Variants in STARD10 observed in about 807,000 individuals in gnomAD.
STARD10 encodes the protein START domain-containing protein 10.
A neutral mutation model predicts 36.0 loss-of-function variants in STARD10; 24 were observed. That is an observed-to-expected ratio of 0.67 (90% CI 0.48 to 0.94). The LOEUF is 0.94. STARD10 is among the 40% of genes least tolerant of loss of function. The probability of loss-of-function intolerance (pLI) is 0.00; values close to 1 mark genes in which losing one functional copy is unlikely to be tolerated. For synonymous variants in STARD10, 156 were observed against 161.9 expected, an observed-to-expected ratio of 0.96 and a Z score of 0.28; for missense variants, 335 against 396.6, an observed-to-expected ratio of 0.84 and a Z score of 1.32.
intron 2 of STARD10, among the ~76,000 whole-genome samples, chr11:72,769,340 G>C (rs1162982637): frequency 6.6e-6 from 1 of 152,192 alleles, no homozygotes; most frequent in African/African-American, 2.4e-5. Context: ...TACACAGTTA[G>C]TGGCAGCAAA....
intron 1 of STARD10, among the ~76,000 whole-genome samples, chr11:72,787,853 C>A (rs1859093917): frequency 6.6e-6 from 1 of 152,222 alleles, no homozygotes; most frequent in South Asian, 2.1e-4. Context: ...TTCTGGCAAC[C>A]CACACAACTT....
At position 72,771,542 on chromosome 11, in the gene STARD10, T is replaced by C. The variant is rs137860102; in HGVS notation, c.207+9433A>G. Among the ~76,000 whole-genome samples, 683 of 151,754 alleles carry C rather than the reference T, an allele frequency of 4.5e-3. 5 individuals are homozygous for C. Among genetic ancestry groups the C allele is most frequent in the African/African-American group, 0.015 (616 of 41,360 alleles). ...GAACCCCTGAGACTGTAGTGGAGAG[T>C]AGAGATGTTACCATGTCTCACCCAG... is the stretch of plus-strand genomic sequence containing the variant. On this transcript the variant is annotated intron_variant, in intron 2 of 6. Coordinates refer to ENST00000334805, the MANE Select transcript of STARD10 (RefSeq NM_006645.3).
chr11:72,776,495 A>G (rs1280461486), intron 2 of STARD10, among the ~76,000 whole-genome samples: 1 of 152,100 alleles, frequency 6.6e-6, no homozygotes, highest in Non-Finnish European at 1.5e-5. Flanking sequence ...CCCTCCCACA[A>G]TGACACAGCA....
intron 3 of STARD10, among the ~76,000 whole-genome samples, 164 bp from the exon 4 acceptor site, chr11:72,758,797 A>G (rs1031084493): frequency 1.3e-5 from 2 of 152,220 alleles, no homozygotes; most frequent in Non-Finnish European, 2.9e-5. Context: ...GAGCCAGAAA[A>G]GAGACAGGGC....
chr11:72,765,523 G>C (rs1858775900), intron 2 of STARD10, among the ~76,000 whole-genome samples: 1 of 152,166 alleles, frequency 6.6e-6, no homozygotes, highest in South Asian at 2.1e-4. Flanking sequence ...GGCAATCCCA[G>C]GCTCAATCCC....
chr11:72,764,233 T>C (rs1858756023), intron 2 of STARD10, among the ~76,000 whole-genome samples: 1 of 152,116 alleles, frequency 6.6e-6, no homozygotes, highest in Non-Finnish European at 1.5e-5. Context: ...GAATGCACAC[T>C]GGGAAGGGGC....
chr11:72,779,986 T>C (rs1228316667), intron 2 of STARD10: 1 of 277,714 alleles, frequency 3.6e-6, no homozygotes, highest in African/African-American at 2.2e-5. Flanking sequence ...AAGGGGAGGG[T>C]GGACTCCTCC....
intron 2 of STARD10, among the ~76,000 whole-genome samples, chr11:72,761,687 G>A (rs776917774): frequency 2.6e-5 from 4 of 152,020 alleles, no homozygotes; most frequent in South Asian, 2.1e-4. Context: ...GGAGGTTTCC[G>A]TGAGCCGAGA....
chr11:72,782,906 C>T (rs916739182), intron 1 of STARD10, among the ~76,000 whole-genome samples: 11 of 152,220 alleles, frequency 7.2e-5, no homozygotes, highest in Non-Finnish European at 1.3e-4. Context: ...GAACCTGCCA[C>T]GGTCATCCTG....
At position 72,762,716 on chromosome 11, in the gene STARD10, C is replaced by T. The variant is rs1423669279; in HGVS notation, c.208-3335G>A. On this transcript the variant is annotated intron_variant, in intron 2 of 6. Coordinates refer to ENST00000334805, the MANE Select transcript of STARD10 (RefSeq NM_006645.3). ...AGGAAATCAGCTCCATGGGCTGGGTCGGGGGATCAGGCTTCATGGAGAATC... is the reference window on the plus strand; with the variant it reads ...AGGAAATCAGCTCCATGGGCTGGGTTGGGGGATCAGGCTTCATGGAGAATC... Among the ~76,000 whole-genome samples the T allele has an allele frequency of 6.6e-5, 10 of 152,212 alleles. No homozygotes were observed. The East Asian group carries it at 1.2e-3, about 18-fold the overall frequency.
chr11:72,780,898 G>C, intron 2 of STARD10, 77 bp downstream of exon 2: 2 of 1,462,020 alleles, frequency 1.4e-6, no homozygotes, highest in Middle Eastern at 3.5e-4. Context: ...TGTCTAGCCC[G>C]GAGAGAGGAC....
chr11:72,758,310 C>T (rs1050690032), intron 4 of STARD10, among the ~76,000 whole-genome samples: 1 of 152,204 alleles, frequency 6.6e-6, no homozygotes, highest in Non-Finnish European at 1.5e-5. Flanking sequence ...TCAGCCCATC[C>T]CACCCACTTG....
chr11:72,754,937 G>T lies in STARD10; in HGVS notation c.836C>A (p.Ala279Glu), dbSNP rs371866479. The T allele has an allele frequency of 1.2e-6, 2 of 1,602,776 alleles. No homozygotes were observed. Among genetic ancestry groups the T allele is most frequent in the African/African-American group, 2.7e-5 (2 of 74,794 alleles). ...GTCGTCGTCGCTGCCCTCGCCGCCCGCGCCGCCCATCCGCTCCTCTCTGCT... is the reference window on the plus strand; with the variant it reads ...GTCGTCGTCGCTGCCCTCGCCGCCCTCGCCGCCCATCCGCTCCTCTCTGCT... ...AESREERMGG[A>E]GGEGSDDDTS... Residue 279 changes from alanine to glutamate, a missense_variant, in exon 7 of 7, where the codon GCG becomes GAG. By Grantham distance (107) the Ala-to-Glu change is moderately radical. Transcript: ENST00000334805.
chr11:72,790,127 C>G (rs1859122716), intron 1 of STARD10, among the ~76,000 whole-genome samples: 1 of 152,244 alleles, frequency 6.6e-6, no homozygotes, highest in Non-Finnish European at 1.5e-5. Flanking sequence ...GGGCCCTGTA[C>G]TCTCCTTCCC....
intron 2 of STARD10, among the ~76,000 whole-genome samples, chr11:72,763,453 T>C (rs1858746864): frequency 6.6e-6 from 1 of 152,172 alleles, no homozygotes; most frequent in Admixed American, 6.5e-5. Context: ...ACAGGACAAG[T>C]TGCTGTCAGG....
At chr11:72,786,651 G>A (rs1565245824) in intron 1 of STARD10, among the ~76,000 whole-genome samples, 1 of 152,152 alleles carries the variant, frequency 6.6e-6, no homozygotes, top group Non-Finnish European at 1.5e-5. Context: ...TTCTCCTAAT[G>A]TCCTGTCACA....
intron 2 of STARD10, among the ~76,000 whole-genome samples, chr11:72,776,965 G>A (rs939782355): frequency 5.3e-5 from 8 of 152,156 alleles, no homozygotes; most frequent in African/African-American, 1.9e-4. Context: ...GGAAGTCAGA[G>A]GAGACAGGTC....
intron 2 of STARD10, among the ~76,000 whole-genome samples, chr11:72,778,172 C>T (rs1319139085): frequency 6.6e-6 from 1 of 152,236 alleles, no homozygotes; most frequent in Non-Finnish European, 1.5e-5. Flanking sequence ...TTAAAGGCCA[C>T]AGTGTTGACT....
chr11:72,761,313 T>TA (rs1214215948), intron 2 of STARD10, among the ~76,000 whole-genome samples: 1 of 152,138 alleles, frequency 6.6e-6, no homozygotes, highest in Admixed American at 6.5e-5. Flanking sequence ...CAACCACATG[T>TA]AAAGTGTGTC....
Sources: allele counts gnomAD v4.1 joint callset (sites outside exome capture counted in the v4.1 genomes callset), GRCh38; gene constraint gnomAD v4.1.1; transcripts MANE v1.5; gene names NCBI Gene and HGNC (gene_info 2026-07-23, HGNC 2026-07-21).